The following RAB38 variants were observed in gnomAD, a reference collection of about 807,000 sequenced individuals.
RAB38 encodes the protein RAB38, member RAS oncogene family, also known as ras-related protein Rab-38.
In RAB38, 15 loss-of-function variants were observed where a neutral mutation model predicts 18.4. The ratio of observed to expected loss-of-function variants is 0.82; its 90% confidence interval spans 0.55 to 1.26. The LOEUF (loss-of-function observed/expected upper bound fraction) is 1.26. Among genes scored for constraint, RAB38 ranks in the 50% most tolerant of loss-of-function variants. The probability of loss-of-function intolerance (pLI) is 0.00; values close to 1 mark genes in which losing one functional copy is unlikely to be tolerated. For synonymous variants in RAB38, 101 were observed against 104.4 expected, an observed-to-expected ratio of 0.97 and a Z score of 0.20; for missense variants, 294 against 267.4, an observed-to-expected ratio of 1.10 and a Z score of -0.69.
At chr11:87,908,361 CA>C in the RAB38 span, among the ~76,000 whole-genome samples, 1 of 151,944 alleles carries the variant, frequency 6.6e-6, no homozygotes, top group Non-Finnish European at 1.5e-5. Context: ...ATCAGGATGC[CA>C]AATTCAATCT....
chr11:87,883,160 T>C, the RAB38 span, among the ~76,000 whole-genome samples: 1 of 151,900 alleles, frequency 6.6e-6, no homozygotes, highest in Non-Finnish European at 1.5e-5. Flanking sequence ...CAGAGCAAAT[T>C]TGATTTGCAT....
chr11:87,841,335 T>C, the RAB38 span, among the ~76,000 whole-genome samples: 2 of 152,082 alleles, frequency 1.3e-5, no homozygotes, highest in African/African-American at 4.8e-5. Context: ...AGAGACTTTT[T>C]CCCCTTTGCT....
At chr11:87,864,734 A>G in the RAB38 span, among the ~76,000 whole-genome samples, 1 of 151,946 alleles carries the variant, frequency 6.6e-6, no homozygotes, top group South Asian at 2.1e-4. Context: ...TCAACACTAC[A>G]TGGGTGAAAG....
the RAB38 span, among the ~76,000 whole-genome samples, chr11:88,024,915 AATAGT>A: frequency 2.5e-4 from 29 of 117,296 alleles, no homozygotes; most frequent in Middle Eastern, 4.2e-3. Flanking sequence ...GCACAAAAAA[AATAGT>A]TAGAAAGAAT....
chr11:87,841,625 G>T, the RAB38 span, among the ~76,000 whole-genome samples: 3 of 152,042 alleles, frequency 2.0e-5, no homozygotes, highest in Non-Finnish European at 4.4e-5. Context: ...TTGGATGTTT[G>T]TCTGAAGACC....
chr11:88,109,913 G>A (rs1807870371), downstream of RAB38, among the ~76,000 whole-genome samples: 1 of 152,196 alleles, frequency 6.6e-6, no homozygotes, highest in African/African-American at 2.4e-5. Flanking sequence ...CTTTTACACT[G>A]TTGGTGGGAG....
At chr11:88,096,775 C>A in the RAB38 span, among the ~76,000 whole-genome samples, 1 of 151,004 alleles carries the variant, frequency 6.6e-6, no homozygotes, top group South Asian at 2.1e-4. Flanking sequence ...GGTAAGAATG[C>A]ATATATAATT....
the RAB38 span, among the ~76,000 whole-genome samples, chr11:87,929,250 G>T: frequency 2.0e-5 from 3 of 152,046 alleles, no homozygotes; most frequent in African/African-American, 7.2e-5. Context: ...GTTGTATTCA[G>T]TTAACTAGTT....
At chr11:88,026,393 C>T in the RAB38 span, among the ~76,000 whole-genome samples, 2 of 151,306 alleles carry the variant, frequency 1.3e-5, no homozygotes, top group Non-Finnish European at 2.9e-5. Context: ...GAAATCCCGT[C>T]TCCACTAAAA....
At chr11:87,854,128 G>GA in the RAB38 span, among the ~76,000 whole-genome samples, 1 of 30,974 alleles carries the variant, frequency 3.2e-5, no homozygotes, top group Non-Finnish European at 8.0e-5. Flanking sequence ...CACCTGCAAA[G>GA]GTTTTTGTTT....
At chr11:87,861,142 T>C in the RAB38 span, among the ~76,000 whole-genome samples, 1 of 152,052 alleles carries the variant, frequency 6.6e-6, no homozygotes, top group Admixed American at 6.6e-5. Context: ...AGCCCACAGC[T>C]GCAGACTGTC....
At chr11:87,937,824 A>G in the RAB38 span, among the ~76,000 whole-genome samples, 13 of 105,904 alleles carry the variant, frequency 1.2e-4, no homozygotes, top group African/African-American at 7.0e-5. Flanking sequence ...GGCGCTTTCT[A>G]TTTTCTTCAT....
the RAB38 span, among the ~76,000 whole-genome samples, chr11:88,107,294 G>A: frequency 3.9e-5 from 6 of 151,914 alleles, no homozygotes; most frequent in East Asian, 1.9e-4. Flanking sequence ...GAAACCCTCC[G>A]AAGCCTAGGT....
At chr11:88,076,316 T>C in the RAB38 span, among the ~76,000 whole-genome samples, 4 of 152,038 alleles carry the variant, frequency 2.6e-5, no homozygotes, top group East Asian at 5.8e-4. Context: ...ACAGCTAATA[T>C]TGTACCGAAT....
the RAB38 span, among the ~76,000 whole-genome samples, chr11:87,965,013 T>A: frequency 0.3 from 45,914 of 152,084 alleles, 7,888 homozygotes; most frequent in Non-Finnish European, 0.39. Context: ...GTTAACATAT[T>A]CAGCCAGATA....
chr11:87,903,142 GC>G, the RAB38 span, among the ~76,000 whole-genome samples: 3 of 151,282 alleles, frequency 2.0e-5, no homozygotes, highest in African/African-American at 7.3e-5. Context: ...AGACATTCTT[GC>G]TTTGTTCCCA....
the RAB38 span, among the ~76,000 whole-genome samples, chr11:87,810,411 T>C: frequency 6.6e-6 from 1 of 152,192 alleles, no homozygotes; most frequent in East Asian, 1.9e-4. Flanking sequence ...AATGGAATCA[T>C]ACAGTGTGAA....
chr11:88,169,395 A>G (rs1565222710), intron 1 of RAB38, among the ~76,000 whole-genome samples: 1 of 152,140 alleles, frequency 6.6e-6, no homozygotes, highest in Non-Finnish European at 1.5e-5. Flanking sequence ...AGCACATATT[A>G]CTTTATTAAT....
the RAB38 span, among the ~76,000 whole-genome samples, chr11:88,059,966 AAAGT>A: frequency 2.6e-5 from 4 of 152,328 alleles, no homozygotes; most frequent in African/African-American, 7.2e-5. Context: ...AATCTTGATA[AAAGT>A]AAGTCTTTGT....
Sources: gnomAD v4.1 joint callset for allele counts (sites outside exome capture counted in the v4.1 genomes callset) on GRCh38, gnomAD v4.1.1 for gene constraint, MANE v1.5 for transcripts, NCBI Gene and HGNC (gene_info 2026-07-23, HGNC 2026-07-21) for gene names.